DOLPP1: variants seen among roughly 807,000 people sequenced by gnomAD.
The protein encoded by DOLPP1 is dolichyldiphosphatase 1, also known as dolichyl pyrophosphate phosphatase 1.
A neutral mutation model predicts 34.1 loss-of-function variants in DOLPP1; 15 were observed. The observed-to-expected ratio is 0.44, with a 90% CI of 0.29 to 0.68. The LOEUF is 0.68. Among genes scored for constraint, DOLPP1 ranks in the 30% least tolerant of loss-of-function variants. The probability of loss-of-function intolerance (pLI) is 0.12; values close to 1 mark genes in which losing one functional copy is unlikely to be tolerated. For synonymous variants in DOLPP1, 130 were observed against 128.2 expected, an observed-to-expected ratio of 1.01 and a Z score of -0.10; for missense variants, 249 against 307.1, an observed-to-expected ratio of 0.81 and a Z score of 1.41.
Position 129,085,367 on chromosome 9 carries a change from C to G in DOLPP1, c.362+61C>G. On this transcript the variant is annotated intron_variant, in intron 4 of 7. Transcript: ENST00000372546. The surrounding 1 kb of genome is among the most constrained non-coding windows in gnomAD (Gnocchi z 7.0). ...TGCTCAGGCCGAGTTCTGCTAGGGA[C>G]TCACTGCTAGCCCTTTGGATGCCCC... 3.9e-6 allele frequency: 6 copies of G among 1,552,178 alleles called. No homozygotes were observed. Among genetic ancestry groups the G allele is most frequent in the Non-Finnish European group, 5.3e-6 (6 of 1,124,242 alleles).
intron 1 of DOLPP1, among the ~76,000 whole-genome samples, chr9:129,083,361 G>T (rs1482876273): frequency 6.6e-6 from 1 of 152,100 alleles, no homozygotes; most frequent in Non-Finnish European, 1.5e-5. Context: ...CTTCATAGTG[G>T]AGAGGCCCAG....
intron 7 of DOLPP1, 75 bp from the exon 8 acceptor site, chr9:129,088,894 CTA>C: frequency 6.7e-7 from 1 of 1,489,624 alleles, no homozygotes; most frequent in South Asian, 1.1e-5. Flanking sequence ...TTAGTTGGGA[CTA>C]CGGGTGGGGT....
intron 7 of DOLPP1, among the ~76,000 whole-genome samples, 190 bp from the exon 8 acceptor site, chr9:129,088,781 C>T (rs968994052): frequency 6.6e-6 from 1 of 152,218 alleles, no homozygotes; most frequent in South Asian, 2.1e-4. Context: ...GTACAGGCCT[C>T]GCCGGGGAGA....
Position 129,085,603 on chromosome 9 carries a change from G to A in DOLPP1, c.448G>A (p.Val150Ile). The change falls in exon 5 of 8, where the codon GTC becomes ATC. Residue 150 changes from valine (V) to isoleucine (I), a missense_variant. By Grantham distance (29) the Val-to-Ile change is conservative (BLOSUM62 3). Coordinates refer to ENST00000372546, the MANE Select transcript of DOLPP1 (RefSeq NM_020438.5). This position sits in a 1 kb window ranked among gnomAD's most constrained non-coding sequence, Gnocchi z 7.0. ...GGGACTCCTCGCTGTGGCCTTCCTA[G>A]TCTCCTACAGCAGGTATGGAGGAGG... Reference protein sequence around the residue: ...SLGLLAVAFLVSYSRVYLLYH... With the variant: ...SLGLLAVAFLISYSRVYLLYH... 1 of 1,612,822 alleles carries A rather than the reference G, an allele frequency of 6.2e-7. No homozygotes were observed. Among genetic ancestry groups the A allele is most frequent in the Non-Finnish European group, 8.5e-7 (1 of 1,179,602 alleles).
intron 6 of DOLPP1, 126 bp from the exon 7 acceptor site, chr9:129,086,583 C>T: frequency 9.8e-7 from 1 of 1,018,114 alleles, no homozygotes. Context: ...GGGTCTCAGG[C>T]CAGGCAAAGA....
intron 1 of DOLPP1, among the ~76,000 whole-genome samples, chr9:129,083,209 G>C (rs888969322): frequency 4.3e-4 from 65 of 152,168 alleles, no homozygotes; most frequent in African/African-American, 1.4e-3. Context: ...TTGGATCAGA[G>C]AGTAGAGAGG....
chr9:129,090,390 C>CA lies in DOLPP1; in HGVS notation c.*1385dup. 1 of 152,542 alleles carries CA rather than the reference C, an allele frequency of 6.6e-6. No homozygotes were observed. Among genetic ancestry groups the CA allele is most frequent in the East Asian group, 1.9e-4 (1 of 5,196 alleles). The allele number at this position is 152,542 out of a possible 1,614,324, so 9.4% of individuals were successfully genotyped here. On this transcript the variant is annotated 3_prime_UTR_variant, in exon 8 of 8. Coordinates refer to ENST00000372546, the MANE Select transcript of DOLPP1 (RefSeq NM_020438.5). ...TGAGGTGGTTTGATTTAAGAAAAAT[C>CA]AATGAAATTGTTTACTACTGTTTTA...
chr9:129,084,350 C>T (rs1395595391), intron 1 of DOLPP1, among the ~76,000 whole-genome samples: 1 of 152,264 alleles, frequency 6.6e-6, no homozygotes, highest in Non-Finnish European at 1.5e-5. Flanking sequence ...GGTCCCACCT[C>T]CTTCTGGCTG....
intron 2 of DOLPP1, 29 bp from the exon 3 acceptor site, chr9:129,084,994 C>T (rs775024145): frequency 1.3e-6 from 2 of 1,548,240 alleles, no homozygotes; most frequent in African/African-American, 1.4e-5. Flanking sequence ...TGCACAGAGG[C>T]CCAGCTGACC....
Position 129,082,032 on chromosome 9 carries a change from G to C in DOLPP1, c.76+825G>C, listed in dbSNP as rs568396401. 1.2e-3 allele frequency among the ~76,000 whole-genome samples: 188 copies of C among 152,356 alleles called. 1 individual carries two copies. Among genetic ancestry groups the C allele is most frequent in the Non-Finnish European group, 2.4e-3 (164 of 68,042 alleles). On this transcript the variant is annotated intron_variant, in intron 1 of 7. Transcript: ENST00000372546. ...GAGCATCAAATAGCAGGAGGCACAA[G>C]AAGGGCTGAGTACAGTGCCCGGCAT...
At chr9:129,084,612 G>T in intron 1 of DOLPP1, 56 bp from the exon 2 acceptor site, 1 of 1,257,004 alleles carries the variant, frequency 8.0e-7, no homozygotes, top group Non-Finnish European at 1.2e-6. Flanking sequence ...TAGGGGGCTG[G>T]TCCCTCTTCT....
At chr9:129,088,145 T>G (rs905864254) in intron 7 of DOLPP1, among the ~76,000 whole-genome samples, 77 of 12,216 alleles carry the variant, frequency 6.3e-3, no homozygotes, top group African/African-American at 8.2e-3. Context: ...TGGGGGGAGG[T>G]GGGGGGGGAT....
chr9:129,088,897 C>CGGGTG, intron 7 of DOLPP1, 74 bp from the exon 8 acceptor site: 1 of 1,500,816 alleles, frequency 6.7e-7, no homozygotes, highest in Non-Finnish European at 9.2e-7. Flanking sequence ...GTTGGGACTA[C>CGGGTG]GGGTGGGGTG....
chr9:129,088,995 G>A lies in DOLPP1; in HGVS notation c.705G>A (p.Thr235=), dbSNP rs1367191961. 5.0e-6 allele frequency: 8 copies of A among 1,613,784 alleles called. No individual in the cohort carries two copies. The highest frequency in any genetic ancestry group is 2.2e-5 in the South Asian group (2 of 91,080). The part of the protein sequence containing the change: ...EARNRQRKLG[T]KLQ ...GGAACAGACAACGCAAGCTGGGGAC[G>A]AAACTGCAGTGACCAGTGGGTGTGG... is the stretch of plus-strand genomic sequence containing the variant. The change falls in exon 8 of 8, where the codon ACG becomes ACA. Residue 235 remains threonine, a synonymous_variant. Transcript: ENST00000372546.
intron 7 of DOLPP1, 105 bp from the exon 8 acceptor site, chr9:129,088,866 G>T: frequency 8.8e-7 from 1 of 1,130,462 alleles, no homozygotes; most frequent in Non-Finnish European, 1.3e-6. Flanking sequence ...TGGCTACTGG[G>T]TGTGGGCATT....
rs200106185 is a variant in DOLPP1, at chr9:129,085,153, G to A, written c.262+46G>A. On this transcript the variant is annotated intron_variant, in intron 3 of 7. Transcript: ENST00000372546. The surrounding 1 kb of genome is among the most constrained non-coding windows in gnomAD (Gnocchi z 7.0). The stretch of plus-strand genomic sequence containing the variant: ...GCCTGAGGTTCCCCCAGGTTGGGGC[G>A]TTACTGGGAGGTCTGCATCCCCCCG... The A allele has an allele frequency of 3.9e-4, 632 of 1,610,872 alleles. 3 individuals are homozygous for A. The African/African-American group carries it at 7.8e-3, about 20-fold the overall frequency.
chr9:129,082,504 G>T (rs953421359), intron 1 of DOLPP1, among the ~76,000 whole-genome samples: 4 of 152,216 alleles, frequency 2.6e-5, no homozygotes, highest in Non-Finnish European at 4.4e-5. Context: ...AAGCCTGGAG[G>T]TGGGGAAAGA....
chr9:129,086,315 G>T, intron 6 of DOLPP1, 48 bp downstream of exon 6: 3 of 1,606,446 alleles, frequency 1.9e-6, no homozygotes, highest in Non-Finnish European at 2.5e-6. Context: ...GTCCCCTCCT[G>T]TGGGTGGGGC....
chr9:129,082,966 T>C (rs562095753), intron 1 of DOLPP1, among the ~76,000 whole-genome samples: 1 of 152,272 alleles, frequency 6.6e-6, no homozygotes, highest in East Asian at 1.9e-4. Context: ...TTTTTGCCAC[T>C]GTGGTGGGTT....
Sources: allele counts gnomAD v4.1 joint callset (sites outside exome capture counted in the v4.1 genomes callset), GRCh38; gene constraint gnomAD v4.1.1; non-coding constraint Gnocchi (gnomAD v3.1); transcripts MANE v1.5; gene names NCBI Gene and HGNC (gene_info 2026-07-23, HGNC 2026-07-21).